TMEM106B: variants seen among roughly 807,000 people sequenced by gnomAD.
TMEM106B encodes transmembrane protein 106B.
A neutral mutation model predicts 31.1 loss-of-function variants in TMEM106B; 15 were observed. That is an observed-to-expected ratio of 0.48 (90% CI 0.32 to 0.74). TMEM106B has a LOEUF of 0.74. Among genes scored for constraint, TMEM106B ranks in the 30% least tolerant of loss-of-function variants. The pLI is 0.03. For missense variants in TMEM106B, 283 were observed against 327.3 expected, an observed-to-expected ratio of 0.86 and a Z score of 1.04; for synonymous variants, 126 against 112.5, an observed-to-expected ratio of 1.12 and a Z score of -0.76.
intron 7 of TMEM106B, chr7:12,231,401 C>T: frequency 3.2e-6 from 1 of 313,204 alleles, no homozygotes; most frequent in Non-Finnish European, 5.8e-6. Context: ...TCCTTACTCC[C>T]TTGACAAATA....
At position 12,234,103 on chromosome 7, in the gene TMEM106B, T is replaced by C. The variant is rs1032852356; in HGVS notation, c.*2128T>C. ...CATTCATTTCTTCAAAATTATCTTT[T>C]AGATACGCTCATACAAAAATCAATC... On this transcript the variant is annotated 3_prime_UTR_variant, in exon 8 of 8. Coordinates refer to ENST00000396668, the MANE Select transcript of TMEM106B (RefSeq NM_001134232.2). The C allele has an allele frequency of 9.9e-5, 15 of 151,860 alleles. No homozygotes were observed. The highest frequency in any genetic ancestry group is 3.4e-4 in the African/African-American group (14 of 41,444). 9.4% of individuals were successfully genotyped at this position (151,860 alleles called of 1,614,324 possible). A position where few individuals can be genotyped will look rare whatever the true frequency, so the allele number is the denominator to read the frequency against.
chr7:12,216,294 A>C (rs1781685847), intron 2 of TMEM106B, among the ~76,000 whole-genome samples: 1 of 152,112 alleles, frequency 6.6e-6, no homozygotes. Flanking sequence ...GATTATGGAA[A>C]GTAGGAAATC....
At chr7:12,220,628 T>A (rs1334622805) in intron 3 of TMEM106B, among the ~76,000 whole-genome samples, 1 of 152,214 alleles carries the variant, frequency 6.6e-6, no homozygotes, top group Non-Finnish European at 1.5e-5. Flanking sequence ...CATACTTTGT[T>A]GGCAGTAGTG....
chr7:12,228,296 T>C (rs1013939819), intron 4 of TMEM106B, among the ~76,000 whole-genome samples: 1 of 151,890 alleles, frequency 6.6e-6, no homozygotes, highest in Non-Finnish European at 1.5e-5. Flanking sequence ...ATTGCATCTT[T>C]TCATATCTTT....
rs982829356 is a variant in TMEM106B, at chr7:12,234,301, C to A, written c.*2326C>A. On this transcript the variant is annotated 3_prime_UTR_variant, in exon 8 of 8. Coordinates refer to ENST00000396668, the MANE Select transcript of TMEM106B (RefSeq NM_001134232.2). ...AGTCACTTAATTTTGAATCTTTTTT[C>A]TTCATCTTTTGAATTAATTTTTTTT... 5.3e-5 allele frequency: 8 copies of A among 151,670 alleles called. No homozygotes were observed. Among genetic ancestry groups the A allele is most frequent in the African/African-American group, 1.9e-4 (8 of 41,360 alleles). 9.4% of individuals were successfully genotyped at this position (151,670 alleles called of 1,614,324 possible). A position where few individuals can be genotyped will look rare whatever the true frequency, so the allele number is the denominator to read the frequency against.
At chr7:12,229,878 A>C in intron 5 of TMEM106B, 59 bp downstream of exon 5, 3 of 1,516,026 alleles carry the variant, frequency 2.0e-6, no homozygotes, top group South Asian at 1.3e-5. Context: ...TTTGTATATC[A>C]TATAACTTGA....
At position 12,242,791 on chromosome 7, in the gene TMEM106B, T is replaced by C. The variant is rs1782256483; in HGVS notation, c.*10816T>C. The C allele has an allele frequency of 6.6e-6, 1 of 152,152 alleles. No homozygotes were observed. The highest frequency in any genetic ancestry group is 2.1e-4 in the South Asian group (1 of 4,834). The allele number at this position is 152,152 out of a possible 1,614,324, so 9.4% of individuals were successfully genotyped here. Reference sequence around the variant, plus strand: ...GGCTATTTTGTAAGCCTGTATCTGGTTTAAAAAAAAGAAGTGAATATTTTC... The same window carrying C: ...GGCTATTTTGTAAGCCTGTATCTGGCTTAAAAAAAAGAAGTGAATATTTTC... On this transcript the variant is annotated 3_prime_UTR_variant, in exon 8 of 8. Coordinates refer to ENST00000396668, the MANE Select transcript of TMEM106B (RefSeq NM_001134232.2).
chr7:12,220,153 A>C (rs965721014), intron 3 of TMEM106B, among the ~76,000 whole-genome samples: 2 of 152,224 alleles, frequency 1.3e-5, no homozygotes, highest in Admixed American at 6.5e-5. Context: ...AAACAAACCA[A>C]GGATTTTATA....
intron 3 of TMEM106B, among the ~76,000 whole-genome samples, chr7:12,221,695 G>C (rs1781790953): frequency 6.6e-6 from 1 of 152,204 alleles, no homozygotes; most frequent in African/African-American, 2.4e-5. Flanking sequence ...CCAGCCTGCA[G>C]CACAAGGAAG....
chr7:12,228,553 G>A (rs920913747), intron 4 of TMEM106B, among the ~76,000 whole-genome samples: 2 of 151,572 alleles, frequency 1.3e-5, no homozygotes, highest in Admixed American at 6.6e-5. Flanking sequence ...TTATTGTCAG[G>A]ATTTTTTTTC....
In TMEM106B at chr7:12,234,129, C is replaced by T. The variant is rs1246412475; in HGVS notation, c.*2154C>T. On this transcript the variant is annotated 3_prime_UTR_variant, in exon 8 of 8. Coordinates refer to ENST00000396668, the MANE Select transcript of TMEM106B (RefSeq NM_001134232.2). ...AGATACGCTCATACAAAAATCAATC[C>T]TTGTTTTCTTGCTTGTGTCTTTTAA... is the stretch of plus-strand genomic sequence containing the variant. 1 of 151,694 alleles carries T rather than the reference C, an allele frequency of 6.6e-6. No homozygotes were observed. The highest frequency in any genetic ancestry group is 1.5e-5 in the Non-Finnish European group (1 of 67,730). The allele number at this position is 151,694 out of a possible 1,614,324, so 9.4% of individuals were successfully genotyped here.
rs569739242 is a variant in TMEM106B at position 12,232,651 on chromosome 7, T to G, written c.*676T>G. On this transcript the variant is annotated 3_prime_UTR_variant, in exon 8 of 8. Transcript: ENST00000396668. ...ACACATCTTTCTGTATTAGTTATAG[T>G]TTTGTGAAATCTTTGTGTGATCTTC... is the stretch of plus-strand genomic sequence containing the variant. 6.6e-6 allele frequency: 1 copy of G among 152,478 alleles called. No individual in the cohort carries two copies. The highest frequency in any genetic ancestry group is 2.1e-4 in the South Asian group (1 of 4,826). 9.4% of individuals were successfully genotyped at this position (152,478 alleles called of 1,614,324 possible). A position where few individuals can be genotyped will look rare whatever the true frequency, so the allele number is the denominator to read the frequency against.
chr7:12,228,603 T>C (rs1426820823), intron 4 of TMEM106B, among the ~76,000 whole-genome samples: 5 of 151,980 alleles, frequency 3.3e-5, no homozygotes, highest in Non-Finnish European at 7.4e-5. Flanking sequence ...CTAATGTTTT[T>C]ATTTCTGTGG....
Position 12,242,923 on chromosome 7 carries a change from C to T in TMEM106B, c.*10948C>T, listed in dbSNP as rs1377047464. ...TACATATCTACTGATTTATTTATTG[C>T]CTATGTACCTATACTAGAACATAGT... On this transcript the variant is annotated 3_prime_UTR_variant, in exon 8 of 8. Coordinates refer to ENST00000396668, the MANE Select transcript of TMEM106B (RefSeq NM_001134232.2). 6.6e-6 allele frequency: 1 copy of T among 151,932 alleles called. No individual in the cohort carries two copies. The highest frequency in any genetic ancestry group is 2.4e-5 in the African/African-American group (1 of 41,388). The allele number at this position is 151,932 out of a possible 1,614,324, so 9.4% of individuals were successfully genotyped here. A position where few individuals can be genotyped will look rare whatever the true frequency, so the allele number is the denominator to read the frequency against.
chr7:12,214,661 T>C (rs892866821), intron 1 of TMEM106B, 148 bp from the exon 2 acceptor site: 1 of 715,382 alleles, frequency 1.4e-6, no homozygotes, highest in Non-Finnish European at 2.2e-6. Flanking sequence ...TGTTCACTCA[T>C]TTTTGGCTCC....
At chr7:12,225,370 T>C (rs1015710141) in intron 4 of TMEM106B, among the ~76,000 whole-genome samples, 2 of 152,176 alleles carry the variant, frequency 1.3e-5, no homozygotes, top group South Asian at 2.1e-4. Context: ...TTATAATCCT[T>C]TGGGTATATA....
chr7:12,212,703 G>C (rs917693711), intron 1 of TMEM106B, among the ~76,000 whole-genome samples: 3 of 152,082 alleles, frequency 2.0e-5, no homozygotes, highest in Non-Finnish European at 4.4e-5. Flanking sequence ...GGTGAAGTCA[G>C]AGCCCTTAGT....
intron 4 of TMEM106B, among the ~76,000 whole-genome samples, chr7:12,225,359 T>A (rs931402132): frequency 6.6e-6 from 1 of 152,208 alleles, no homozygotes; most frequent in African/African-American, 2.4e-5. Context: ...AGCAGCATGA[T>A]TTATAATCCT....
rs201601029 is a variant in TMEM106B at position 12,218,435 on chromosome 7, G to A, written c.218-23G>A. Reference sequence around the variant, plus strand: ...TTTTTAACTAATCATAGTAATTTCTGAACTTACTTCTTTCACATTTAGGGC... The same window carrying A: ...TTTTTAACTAATCATAGTAATTTCTAAACTTACTTCTTTCACATTTAGGGC... On this transcript the variant is annotated intron_variant, in intron 2 of 7. Coordinates refer to ENST00000396668, the MANE Select transcript of TMEM106B (RefSeq NM_001134232.2). 3,266 of 1,602,898 alleles carry A rather than the reference G, an allele frequency of 2.0e-3. 6 individuals carry two copies. The highest frequency in any genetic ancestry group is 2.5e-3 in the Non-Finnish European group (2,951 of 1,172,178).
Sources: gnomAD v4.1 joint callset for allele counts (sites outside exome capture counted in the v4.1 genomes callset) on GRCh38, gnomAD v4.1.1 for gene constraint, MANE v1.5 for transcripts, NCBI Gene and HGNC (gene_info 2026-07-23, HGNC 2026-07-21) for gene names.